The following AATF variants were observed in gnomAD, a reference collection of about 807,000 sequenced individuals.
AATF encodes the protein apoptosis antagonizing transcription factor, also known as protein AATF.
AATF carries 48 observed loss-of-function variants against 63.7 expected under a neutral mutation model. The ratio of observed to expected loss-of-function variants is 0.75; its 90% CI spans 0.60 to 0.96. The LOEUF is 0.96. Among genes scored for constraint, AATF ranks in the 40% least tolerant of loss-of-function variants. The pLI, the probability that AATF is intolerant of heterozygous loss-of-function variation, is 0.00. For synonymous variants in AATF, 258 were observed against 247.7 expected (o/e 1.04, Z -0.39); for missense variants, 639 against 685.7 (o/e 0.93, Z 0.76).
intron 4 of AATF, among the ~76,000 whole-genome samples, chr17:36,976,829 G>A (rs1042323370): frequency 7.2e-5 from 11 of 152,170 alleles, no homozygotes; most frequent in Non-Finnish European, 1.6e-4. Context: ...TTTATTTTCT[G>A]AGTCTCAGTG....
intron 4 of AATF, among the ~76,000 whole-genome samples, chr17:36,972,461 A>C (rs1038370925): frequency 6.6e-6 from 1 of 152,166 alleles, no homozygotes; most frequent in African/African-American, 2.4e-5. Context: ...CTTCACACCC[A>C]TTTGTCACCC....
chr17:37,048,747 C>T (rs1446576487), intron 11 of AATF, among the ~76,000 whole-genome samples: 1 of 152,208 alleles, frequency 6.6e-6, no homozygotes, highest in East Asian at 1.9e-4. Context: ...GCCCCTACCA[C>T]ACAGCCCCAA....
At chr17:36,979,713 T>C (rs2071106378) in intron 4 of AATF, among the ~76,000 whole-genome samples, 1 of 152,216 alleles carries the variant, frequency 6.6e-6, no homozygotes, top group Admixed American at 6.5e-5. Flanking sequence ...ACACTCACTC[T>C]TCCTGTTCTC....
Position 36,949,124 on chromosome 17 carries a change from C to T in AATF, c.-2C>T, listed in dbSNP as rs1461606565. ...AGCGGAGTGGACCGGGAGCTGGTGACGATGGCGGGGCCGCAGCCCCTGGCG... is the reference window on the plus strand; with the variant it reads ...AGCGGAGTGGACCGGGAGCTGGTGATGATGGCGGGGCCGCAGCCCCTGGCG... On this transcript the variant is annotated 5_prime_UTR_variant, in exon 1 of 12. The change creates a new upstream start codon in the 5' untranslated region. Coordinates refer to ENST00000619387, the MANE Select transcript of AATF (RefSeq NM_012138.4). The T allele has an allele frequency of 6.3e-7, 1 of 1,575,386 alleles. No homozygotes were observed. The highest frequency in any genetic ancestry group is 8.6e-7 in the Non-Finnish European group (1 of 1,161,508).
rs1430446487 is a variant in AATF, at chr17:37,033,123, C to T, written c.1619+1438C>T. 1.7e-4 allele frequency among the ~76,000 whole-genome samples: 26 copies of T among 152,292 alleles called. No individual in the cohort carries two copies. In the South Asian group the frequency reaches 4.1e-3, roughly 24 times the overall value. ...TATTTTTTATTTGGTTTATTCAGTACTTTGAGCACAAAACAGCCTATGGAT... is the reference window on the plus strand; with the variant it reads ...TATTTTTTATTTGGTTTATTCAGTATTTTGAGCACAAAACAGCCTATGGAT... On this transcript the variant is annotated intron_variant, in intron 11 of 11. Transcript: ENST00000619387.
chr17:37,029,891 C>A (rs187803281), intron 10 of AATF, among the ~76,000 whole-genome samples: 16 of 151,362 alleles, frequency 1.1e-4, no homozygotes, highest in Non-Finnish European at 1.8e-4. Flanking sequence ...TTTGTAGAGA[C>A]GGGGTCTTGC....
intron 8 of AATF, among the ~76,000 whole-genome samples, chr17:36,999,495 G>T (rs1055730987): frequency 6.6e-6 from 1 of 152,186 alleles, no homozygotes; most frequent in Non-Finnish European, 1.5e-5. Context: ...AGTTGCTATT[G>T]TATTGGATAG....
chr17:36,956,766 C>T (rs565353783), intron 4 of AATF, among the ~76,000 whole-genome samples: 16 of 151,990 alleles, frequency 1.1e-4, no homozygotes, highest in Non-Finnish European at 2.4e-4. Context: ...CACTTTAGGT[C>T]AAGAGTTTGA....
intron 4 of AATF, among the ~76,000 whole-genome samples, chr17:36,964,702 A>G (rs2070977035): frequency 6.6e-6 from 1 of 152,082 alleles, no homozygotes; most frequent in Non-Finnish European, 1.5e-5. Flanking sequence ...ACCTGCTTAA[A>G]ATCATGCTAT....
chr17:37,055,600 G>A (rs1411580611), intron 11 of AATF: 1 of 152,250 alleles, frequency 6.6e-6, no homozygotes, highest in African/African-American at 2.4e-5. Flanking sequence ...CCGAGCAGGT[G>A]TAGATTTCTT....
chr17:37,032,127 C>T (rs540676209), intron 11 of AATF, among the ~76,000 whole-genome samples: 2 of 152,148 alleles, frequency 1.3e-5, no homozygotes, highest in East Asian at 1.9e-4. Flanking sequence ...AAAGCTGAAA[C>T]GAGAGAAATA....
intron 11 of AATF, chr17:37,045,536 A>G (rs540921064): frequency 1.3e-5 from 2 of 152,414 alleles, no homozygotes; most frequent in Admixed American, 1.3e-4. Flanking sequence ...GGAATGTGAA[A>G]TGCTGCAAAG....
intron 8 of AATF, among the ~76,000 whole-genome samples, chr17:37,014,219 G>C (rs553606862): frequency 2.0e-5 from 3 of 151,722 alleles, no homozygotes; most frequent in Non-Finnish European, 4.4e-5. Flanking sequence ...AATGCGCTGA[G>C]ATTGCACCAC....
Position 37,039,503 on chromosome 17 carries a change from C to T in AATF, c.1619+7818C>T, listed in dbSNP as rs2071619613. On this transcript the variant is annotated intron_variant, in intron 11 of 11. Coordinates refer to ENST00000619387, the MANE Select transcript of AATF (RefSeq NM_012138.4). ...ACATAACTCATGGCAGTGATTTGAT[C>T]TCTTGTTAAAGAGGATTACAGCTTT... Among the ~76,000 whole-genome samples, 3 of 152,174 alleles carry T rather than the reference C, an allele frequency of 2.0e-5. No homozygotes were observed. The South Asian group carries it at 6.2e-4, about 31-fold the overall frequency.
At chr17:36,957,405 A>G (rs1193257641) in intron 4 of AATF, among the ~76,000 whole-genome samples, 2 of 152,216 alleles carry the variant, frequency 1.3e-5, no homozygotes, top group African/African-American at 2.4e-5. Context: ...CAATCACTCA[A>G]TAGTTATCAG....
At chr17:37,041,234 C>T (rs2071637287) in intron 11 of AATF, among the ~76,000 whole-genome samples, 1 of 152,056 alleles carries the variant, frequency 6.6e-6, no homozygotes, top group African/African-American at 2.4e-5. Flanking sequence ...TTTTTAAAAG[C>T]ATTTTAATAA....
chr17:37,032,679 A>T (rs1039627532), intron 11 of AATF, among the ~76,000 whole-genome samples: 6 of 152,140 alleles, frequency 3.9e-5, no homozygotes, highest in African/African-American at 1.4e-4. Flanking sequence ...ACAGCATTTC[A>T]TTTCAGTTTT....
chr17:37,023,600 T>G (rs1452119957), intron 10 of AATF, among the ~76,000 whole-genome samples: 4 of 137,932 alleles, frequency 2.9e-5, no homozygotes, highest in Non-Finnish European at 6.4e-5. Flanking sequence ...AAACAGAGTT[T>G]AAAAAGAGGC....
At chr17:37,013,166 A>T (rs1343625946) in intron 8 of AATF, among the ~76,000 whole-genome samples, 1 of 152,218 alleles carries the variant, frequency 6.6e-6, no homozygotes, top group Non-Finnish European at 1.5e-5. Flanking sequence ...AAAGGGTCTG[A>T]ATAGACATTT....
Sources: allele counts gnomAD v4.1 joint callset (sites outside exome capture counted in the v4.1 genomes callset), GRCh38; gene constraint gnomAD v4.1.1; transcripts MANE v1.5; gene names NCBI Gene and HGNC (gene_info 2026-07-23, HGNC 2026-07-21).